The following TSPOAP1 variants were observed in gnomAD, a reference collection of about 807,000 sequenced individuals.
The protein encoded by TSPOAP1 is TSPO associated protein 1.
TSPOAP1 carries 87 observed loss-of-function variants against 197.0 expected under a neutral mutation model. The observed-to-expected ratio is 0.44, with a 90% confidence interval of 0.37 to 0.53. The LOEUF is 0.53. Ranked by LOEUF, TSPOAP1 falls within the 20% of genes least tolerant of loss-of-function variation. TSPOAP1 has a pLI of 0.00. For missense variants in TSPOAP1, 2,174 were observed against 2,411.3 expected, an observed-to-expected ratio of 0.90 and a Z score of 2.06; for synonymous variants, 913 against 998.9, an observed-to-expected ratio of 0.91 and a Z score of 1.62.
At position 58,319,143 on chromosome 17, in the gene TSPOAP1, G is replaced by C. The variant is rs1971325277; in HGVS notation, c.1646C>G (p.Pro549Arg). ...LDCGSLGDCP[P>R]PPCCCSIPQP... is the part of the protein sequence containing the mutation. The stretch of plus-strand genomic sequence containing the variant: ...GGGAATGGAGCAGCAGCAGGGGGGT[G>C]GTGGGCAGTCTCCAAGGCTCCCACA... The change falls in exon 13 of 32, where the codon CCA becomes CGA. Residue 549 changes from proline (P) to arginine (R), a missense_variant. Around this residue, in one of 5 missense-constraint regions of TSPOAP1, gnomAD observed 1,933 missense variants for 2,139.0 expected, o/e 0.90. Coordinates refer to ENST00000343736, the MANE Select transcript of TSPOAP1 (RefSeq NM_004758.4). 6.4e-7 allele frequency: 1 copy of C among 1,552,886 alleles called. No homozygotes were observed. Among genetic ancestry groups the C allele is most frequent in the Non-Finnish European group, 8.7e-7 (1 of 1,146,596 alleles).
chr17:58,326,685 G>C lies in TSPOAP1; in HGVS notation c.439C>G (p.Leu147Val), dbSNP rs1971622686. The change falls in exon 2 of 32, where the codon CTG becomes GTG. Residue 147 changes from leucine (L) to valine (V), a missense_variant and splice_region_variant. By Grantham distance (32) the Leu-to-Val change is conservative (BLOSUM62 1). Transcript: ENST00000343736. This position sits in a 1 kb window ranked among gnomAD's most constrained non-coding sequence, Gnocchi z 4.7. ...CAILKEENQM[L>V]RKSSFPETEE... ...GCACCCCAGTCTCCAAGCCTCACCA[G>C]CATCTGGTTTTCCTCCTTAAGGATG... 1 of 1,613,994 alleles carries C rather than the reference G, an allele frequency of 6.2e-7. No individual in the cohort carries two copies. The highest frequency in any genetic ancestry group is 8.5e-7 in the Non-Finnish European group (1 of 1,179,946).
At position 58,301,981 on chromosome 17, in the gene TSPOAP1, G is replaced by C. The variant is rs1408702985; in HGVS notation, c.*499C>G. On this transcript the variant is annotated 3_prime_UTR_variant, in exon 32 of 32. Coordinates refer to ENST00000343736, the MANE Select transcript of TSPOAP1 (RefSeq NM_004758.4). ...GTAGACGAGGTGGGTGGACCAGGAC[G>C]CGAGGGTCCTGGGTCCAGTCCTGGC... 2 of 258,368 alleles carry C rather than the reference G, an allele frequency of 7.7e-6. No homozygotes were observed. The highest frequency in any genetic ancestry group is 1.5e-5 in the Non-Finnish European group (2 of 130,614). The allele number at this position is 258,368 out of a possible 1,614,324, so 16.0% of individuals were successfully genotyped here.
intron 25 of TSPOAP1, 56 bp from the exon 26 acceptor site, chr17:58,306,469 G>A: frequency 6.8e-7 from 1 of 1,472,820 alleles, no homozygotes; most frequent in Non-Finnish European, 9.2e-7. Flanking sequence ...AGACAGGACT[G>A]GGACTCTGGA....
chr17:58,326,199 C>A lies in TSPOAP1; in HGVS notation c.570+94G>T. 2 of 1,553,280 alleles carry A rather than the reference C, an allele frequency of 1.3e-6. No homozygotes were observed. The highest frequency in any genetic ancestry group is 2.4e-5 in the South Asian group (2 of 82,378). On this transcript the variant is annotated intron_variant, in intron 3 of 31. Transcript: ENST00000343736. This position sits in a 1 kb window ranked among gnomAD's most constrained non-coding sequence, Gnocchi z 4.7. ...GCTTTCCTAGGTGCTGAGCTGAGAC[C>A]GTGACTCCCAAGCTTCAGACAGCCC...
In TSPOAP1 at chr17:58,328,505, T is replaced by C. The variant is rs1971725534; in HGVS notation, c.-585A>G. 6.5e-6 allele frequency: 1 copy of C among 154,856 alleles called. No individual in the cohort carries two copies. Among genetic ancestry groups the C allele is most frequent in the Admixed American group, 6.4e-5 (1 of 15,714 alleles). 9.6% of individuals were successfully genotyped at this position (154,856 alleles called of 1,614,324 possible). A position where few individuals can be genotyped will look rare whatever the true frequency, so the allele number is the denominator to read the frequency against. ...ATCGGTGTCGTTGTGTGTCTGTCAG[T>C]GTCTGTGGGTCTGGCCGTCTGTCGC... On this transcript the variant is annotated 5_prime_UTR_variant, in exon 1 of 32. Transcript: ENST00000343736. The surrounding 1 kb of genome is among the most constrained non-coding windows in gnomAD (Gnocchi z 4.3).
intron 5 of TSPOAP1, among the ~76,000 whole-genome samples, chr17:58,323,792 G>A (rs1236366109): frequency 1.3e-5 from 2 of 152,244 alleles, no homozygotes; most frequent in South Asian, 2.1e-4. Flanking sequence ...TGGGACCCAC[G>A]TGTGCCCTGG....
rs556865554 is a variant in TSPOAP1, at chr17:58,324,241, G to A, written c.942+570C>T. Reference sequence around the variant, plus strand: ...TTCCCAGAAGGAGGAGGACCTACTTGCTGCCTACCTAGGATGATGGCGAGA... The same window carrying A: ...TTCCCAGAAGGAGGAGGACCTACTTACTGCCTACCTAGGATGATGGCGAGA... On this transcript the variant is annotated intron_variant, in intron 5 of 31. Coordinates refer to ENST00000343736, the MANE Select transcript of TSPOAP1 (RefSeq NM_004758.4). This position sits in a 1 kb window ranked among gnomAD's most constrained non-coding sequence, Gnocchi z 5.8. 1.5e-3 allele frequency among the ~76,000 whole-genome samples: 221 copies of A among 152,282 alleles called. No individual in the cohort carries two copies. The highest frequency in any genetic ancestry group is 4.9e-3 in the African/African-American group (205 of 41,566).
intron 10 of TSPOAP1, 27 bp from the exon 11 acceptor site, chr17:58,320,608 G>A: frequency 7.1e-7 from 1 of 1,400,692 alleles, no homozygotes; most frequent in Non-Finnish European, 9.3e-7. Context: ...CCAAAATACT[G>A]GAGGGAAGGA....
intron 22 of TSPOAP1, 41 bp downstream of exon 22, chr17:58,308,500 C>T: frequency 1.3e-6 from 2 of 1,484,198 alleles, no homozygotes; most frequent in Non-Finnish European, 1.8e-6. Context: ...CACCAGGTGG[C>T]AGCAGGCAGG....
In TSPOAP1 at chr17:58,311,958, A is replaced by G. The variant is rs529694097; in HGVS notation, c.2863T>C (p.Trp955Arg). 6.2e-7 allele frequency: 1 copy of G among 1,601,902 alleles called. No individual in the cohort carries two copies. Among genetic ancestry groups the G allele is most frequent in the African/African-American group, 1.3e-5 (1 of 74,910 alleles). The change falls in exon 17 of 32, where the codon TGG becomes CGG. Residue 955 changes from tryptophan to arginine, a missense_variant. Physicochemically the swap from Trp to Arg is moderately radical, Grantham distance 101. Around this residue, in one of 5 missense-constraint regions of TSPOAP1, gnomAD observed 1,933 missense variants for 2,139.0 expected, o/e 0.90. Transcript: ENST00000343736. ...TCCAGCCTCTCCCAGCCTGGTTCCC[A>G]GGGCCCTTGGGGTGGGAGCTGAGCC... ...VEAQLPPQGPWEPGWERLEQR... is the reference protein window; with the variant it reads ...VEAQLPPQGPREPGWERLEQR...
intron 17 of TSPOAP1, 46 bp from the exon 18 acceptor site, chr17:58,311,768 A>G (rs766196878): frequency 2.0e-6 from 3 of 1,519,610 alleles, no homozygotes; most frequent in African/African-American, 1.4e-5. Context: ...GACGCTCCCC[A>G]TCAGAGATAC....
rs896746357 is a variant in TSPOAP1 at position 58,312,811 on chromosome 17, T to A, written c.2099-89A>T. The A allele has an allele frequency of 3.2e-6, 3 of 927,552 alleles. No individual in the cohort carries two copies. The African/African-American group carries it at 5.0e-5, about 15-fold the overall frequency. The allele number at this position is 927,552 out of a possible 1,614,324, so 57.5% of individuals were successfully genotyped here. A position where few individuals can be genotyped will look rare whatever the true frequency, so the allele number is the denominator to read the frequency against. On this transcript the variant is annotated intron_variant, in intron 16 of 31. Coordinates refer to ENST00000343736, the MANE Select transcript of TSPOAP1 (RefSeq NM_004758.4). ...GGTATAATAAATGCATTTTAGCAAC[T>A]GCTAGTGGGTGATCTTCAGCATTTG...
intron 14 of TSPOAP1, 70 bp from the exon 15 acceptor site, chr17:58,316,610 A>T: frequency 7.7e-7 from 1 of 1,290,516 alleles, no homozygotes. Flanking sequence ...GCAGGTTTCC[A>T]GGCTGAGCCA....
intron 29 of TSPOAP1, 36 bp from the exon 30 acceptor site, chr17:58,305,207 A>C (rs1313442892): frequency 6.4e-7 from 1 of 1,557,150 alleles, no homozygotes; most frequent in Non-Finnish European, 8.9e-7. Flanking sequence ...GAGATCAGGA[A>C]AGAGGCTCTG....
Position 58,310,692 on chromosome 17 carries a change from G to A in TSPOAP1, c.3519C>T (p.Thr1173=). Reference sequence around the variant, plus strand: ...CGGGGCCAGGGTCCTTCTCACCCAGGGTAGATGTGCTGGCTGTCCTCTCCT... The same window carrying A: ...CGGGGCCAGGGTCCTTCTCACCCAGAGTAGATGTGCTGGCTGTCCTCTCCT... ...TSEERTASTS[T]LGEKDPGPAA... Residue 1173 remains threonine, a synonymous_variant, in exon 20 of 32, where the codon ACC becomes ACT. Coordinates refer to ENST00000343736, the MANE Select transcript of TSPOAP1 (RefSeq NM_004758.4). The A allele has an allele frequency of 6.2e-7, 1 of 1,612,868 alleles. No individual in the cohort carries two copies. The highest frequency in any genetic ancestry group is 8.5e-7 in the Non-Finnish European group (1 of 1,179,944).
intron 18 of TSPOAP1, 142 bp downstream of exon 18, chr17:58,311,429 C>A (rs895431482): frequency 4.6e-6 from 6 of 1,312,314 alleles, no homozygotes; most frequent in Admixed American, 2.6e-5. Flanking sequence ...GCTGCCAAAG[C>A]CCATGCTCTT....
chr17:58,316,042 A>T lies in TSPOAP1; in HGVS notation c.2079T>A (p.Asp693Glu), dbSNP rs1971222550. 6.2e-7 allele frequency: 1 copy of T among 1,614,054 alleles called. No homozygotes were observed. ...TCCTACCTTCAAAAAAGCCATCCTC[A>T]TCCATGTTGCCATAGATGTAGATGT... is the stretch of plus-strand genomic sequence containing the variant. ...GEYIYIYGNM[D>E]EDGFFEGELM... The change falls in exon 16 of 32, where the codon GAT becomes GAA. Residue 693 changes from aspartate (D) to glutamate (E), a missense_variant. By Grantham distance (45) the Asp-to-Glu change is conservative. Transcript: ENST00000343736.
intron 24 of TSPOAP1, chr17:58,307,327 G>A: frequency 1.9e-6 from 1 of 536,792 alleles, no homozygotes; most frequent in East Asian, 3.1e-5. Context: ...GGCAGTTTAA[G>A]CACTTTATGT....
rs1010515546 is a variant in TSPOAP1, at chr17:58,324,431, G to A, written c.942+380C>T. Among the ~76,000 whole-genome samples, 1 of 151,976 alleles carries A rather than the reference G, an allele frequency of 6.6e-6. No individual in the cohort carries two copies. The highest frequency in any genetic ancestry group is 2.4e-5 in the African/African-American group (1 of 41,426). ...AGGCCTGGCCAGCCAGGCGGGCGCT[G>A]ACGGGGGCGTCCCCGCTCTACGGCG... On this transcript the variant is annotated intron_variant, in intron 5 of 31. Transcript: ENST00000343736. The surrounding 1 kb of genome is among the most constrained non-coding windows in gnomAD (Gnocchi z 5.8).
Sources: allele counts gnomAD v4.1 joint callset (sites outside exome capture counted in the v4.1 genomes callset), GRCh38; gene constraint gnomAD v4.1.1; regional missense constraint gnomAD v4.1.1; non-coding constraint Gnocchi (gnomAD v3.1); transcripts MANE v1.5; gene names NCBI Gene and HGNC (gene_info 2026-07-23, HGNC 2026-07-21).